Variants in SLC9C2 observed in about 807,000 individuals in gnomAD.
SLC9C2 encodes sodium/hydrogen exchanger 11.
A neutral mutation model predicts 140.2 loss-of-function variants in SLC9C2; 75 were observed. That is an observed-to-expected ratio of 0.53 (90% CI 0.44 to 0.65). The LOEUF (loss-of-function observed/expected upper bound fraction) is 0.65. SLC9C2 is among the 30% of genes least tolerant of loss of function. The pLI, the probability that SLC9C2 is intolerant of heterozygous loss-of-function variation, is 0.00. For missense variants in SLC9C2, 1,074 were observed against 1,331.8 expected (o/e 0.81, Z 3.01); for synonymous variants, 375 against 420.9 (o/e 0.89, Z 1.34).
chr1:173,526,247 A>G (rs547003300), intron 19 of SLC9C2, among the ~76,000 whole-genome samples: 4 of 152,346 alleles, frequency 2.6e-5, no homozygotes, highest in East Asian at 1.9e-4. Flanking sequence ...TTGCAGCCCT[A>G]TGTTCCAGAG....
intron 18 of SLC9C2, among the ~76,000 whole-genome samples, chr1:173,529,373 G>T (rs1450435811): frequency 6.6e-6 from 1 of 151,976 alleles, no homozygotes; most frequent in African/African-American, 2.4e-5. Context: ...GGTTAGGAGA[G>T]GATTCACTCC....
intron 25 of SLC9C2, 39 bp downstream of exon 25, chr1:173,506,817 G>A (rs375253799): frequency 4.6e-5 from 71 of 1,545,798 alleles, no homozygotes; most frequent in Non-Finnish European, 5.5e-5. Context: ...TTGGAGCACC[G>A]TGAAGAGCAA....
At chr1:173,561,483 G>C (rs1476416111) in intron 9 of SLC9C2, among the ~76,000 whole-genome samples, 2 of 152,192 alleles carry the variant, frequency 1.3e-5, no homozygotes, top group Non-Finnish European at 2.9e-5. Context: ...TCTGACCTCA[G>C]ACTAAAGAGT....
chr1:173,531,227 A>C (rs940131913), intron 17 of SLC9C2, among the ~76,000 whole-genome samples: 1 of 152,202 alleles, frequency 6.6e-6, no homozygotes, highest in African/African-American at 2.4e-5. Flanking sequence ...TTCAATTAAA[A>C]ACCATGGTAA....
At chr1:173,600,076 C>A in intron 3 of SLC9C2, 41 bp downstream of exon 3, 1 of 1,393,588 alleles carries the variant, frequency 7.2e-7, no homozygotes, top group Non-Finnish European at 9.9e-7. Context: ...TTATTTTTGG[C>A]ATTTTTTCCT....
At chr1:173,597,853 C>A in intron 4 of SLC9C2, 51 bp downstream of exon 4, 3 of 1,505,038 alleles carry the variant, frequency 2.0e-6, no homozygotes, top group Non-Finnish European at 2.7e-6. Context: ...TATTCTCTAT[C>A]AACGTGCATA....
chr1:173,583,184 T>C (rs955008128), intron 6 of SLC9C2, among the ~76,000 whole-genome samples: 1 of 152,232 alleles, frequency 6.6e-6, no homozygotes, highest in African/African-American at 2.4e-5. Flanking sequence ...TTCTGTGTAC[T>C]TTAAATCATC....
At chr1:173,578,948 G>C (rs535777145) in intron 7 of SLC9C2, among the ~76,000 whole-genome samples, 5 of 152,174 alleles carry the variant, frequency 3.3e-5, no homozygotes, top group African/African-American at 7.2e-5. Context: ...ACGTCTTTTG[G>C]GGGGACACAA....
At position 173,573,221 on chromosome 1, in the gene SLC9C2, G is replaced by T; in HGVS notation, c.1007C>A (p.Pro336His). Reference sequence around the variant, plus strand: ...TGTTGTAAATAAAATGAATATGAAAGGTATAGTGTGAAATTCATAGTGGCT... The same window carrying T: ...TGTTGTAAATAAAATGAATATGAAATGTATAGTGTGAAATTCATAGTGGCT... ...ELSHYEFHTI[P>H]FIFILFTTVN... Residue 336 changes from proline (P) to histidine (H), a missense_variant, in exon 9 of 28, where the codon CCT becomes CAT. Coordinates refer to ENST00000367714, the MANE Select transcript of SLC9C2 (RefSeq NM_178527.4). 1 of 1,569,322 alleles carries T rather than the reference G, an allele frequency of 6.4e-7. No individual in the cohort carries two copies. The highest frequency in any genetic ancestry group is 1.4e-5 in the African/African-American group (1 of 73,698).
intron 9 of SLC9C2, among the ~76,000 whole-genome samples, chr1:173,571,037 G>A (rs1325320312): frequency 6.6e-6 from 1 of 152,150 alleles, no homozygotes; most frequent in African/African-American, 2.4e-5. Context: ...TTATGAAGGT[G>A]CTTTTTTGTG....
At chr1:173,582,472 A>G (rs1046386556) in intron 6 of SLC9C2, among the ~76,000 whole-genome samples, 19 of 152,196 alleles carry the variant, frequency 1.2e-4, no homozygotes, top group African/African-American at 4.3e-4. Flanking sequence ...ATTAGTCACA[A>G]TAACTGGGGG....
At chr1:173,550,436 A>ATTTTT (rs1467477294) in intron 11 of SLC9C2, among the ~76,000 whole-genome samples, 18 of 122,922 alleles carry the variant, frequency 1.5e-4, no homozygotes, top group African/African-American at 7.0e-4. Context: ...TTATTTATTT[A>ATTTTT]TTTATTTATT....
At chr1:173,504,552 T>G (rs1272416382) in intron 26 of SLC9C2, among the ~76,000 whole-genome samples, 1 of 152,122 alleles carries the variant, frequency 6.6e-6, no homozygotes, top group African/African-American at 2.4e-5. Context: ...AACACTGGGA[T>G]GGTGCAAGTT....
chr1:173,502,396 AT>A (rs956983144), intron 27 of SLC9C2, among the ~76,000 whole-genome samples: 11 of 151,436 alleles, frequency 7.3e-5, no homozygotes, highest in African/African-American at 1.9e-4. Context: ...CCACTTCTGC[AT>A]TTGTCTAGCA....
intron 1 of SLC9C2, among the ~76,000 whole-genome samples, chr1:173,602,206 C>T (rs764992386): frequency 5.9e-5 from 9 of 152,206 alleles, no homozygotes; most frequent in South Asian, 2.1e-4. Flanking sequence ...GCATGTGGCA[C>T]GAGATAGGCT....
intron 7 of SLC9C2, among the ~76,000 whole-genome samples, chr1:173,580,170 T>C (rs375742258): frequency 0.64 from 19,959 of 31,278 alleles, 4,375 homozygotes; most frequent in African/African-American, 0.65. Context: ...TTCTATGGTG[T>C]AAAGACTCAC....
intron 11 of SLC9C2, among the ~76,000 whole-genome samples, chr1:173,550,904 G>C (rs1663247025): frequency 8.4e-6 from 1 of 119,264 alleles, no homozygotes; most frequent in African/African-American, 2.9e-5. Flanking sequence ...GAGAGAGAGA[G>C]AGAGAAGGAA....
intron 24 of SLC9C2, among the ~76,000 whole-genome samples, chr1:173,509,231 G>A (rs1242410635): frequency 6.6e-6 from 1 of 151,998 alleles, no homozygotes; most frequent in African/African-American, 2.4e-5. Flanking sequence ...ATCACTTGAG[G>A]TCAGGAGTTC....
rs758502994 is a variant in SLC9C2, at chr1:173,530,034, T to C, written c.2184A>G (p.Ile728Met). Residue 728 changes from isoleucine (I) to methionine (M), a missense_variant, in exon 18 of 28, where the codon ATA (isoleucine) becomes ATG (methionine). Ile to Met is a conservative substitution (Grantham distance 10, BLOSUM62 1). Coordinates refer to ENST00000367714, the MANE Select transcript of SLC9C2 (RefSeq NM_178527.4). The stretch of plus-strand genomic sequence containing the variant: ...TTTTGATCTGCACATCTGCAATTCT[T>C]ATCAGTATTGGTACTATTATCTGGA... ...PLFKIIVPIL[I>M]RIADVQIKKR... The C allele has an allele frequency of 4.3e-6, 7 of 1,610,814 alleles. No individual in the cohort carries two copies. Among genetic ancestry groups the C allele is most frequent in the Non-Finnish European group, 5.9e-6 (7 of 1,179,292 alleles).
Sources: allele counts gnomAD v4.1 joint callset (sites outside exome capture counted in the v4.1 genomes callset), GRCh38; gene constraint gnomAD v4.1.1; transcripts MANE v1.5; gene names NCBI Gene and HGNC (gene_info 2026-07-23, HGNC 2026-07-21).